ZNF385B: variants seen among roughly 807,000 people sequenced by gnomAD.
ZNF385B encodes zinc finger protein 533.
In ZNF385B, 23 loss-of-function variants were observed where a neutral mutation model predicts 39.2. The observed-to-expected ratio is 0.59, with a 90% CI of 0.42 to 0.83. ZNF385B has a LOEUF of 0.83. Among genes scored for constraint, ZNF385B ranks in the 40% least tolerant of loss-of-function variants. ZNF385B has a pLI of 0.00. For synonymous variants in ZNF385B, 205 were observed against 222.6 expected (o/e 0.92, Z 0.70); for missense variants, 552 against 598.9 (o/e 0.92, Z 0.82).
Position 179,698,309 on chromosome 2 carries a change from C to T in ZNF385B, c.298+71194G>A, listed in dbSNP as rs115319356. 5.9e-5 allele frequency among the ~76,000 whole-genome samples: 9 copies of T among 152,162 alleles called. No individual in the cohort carries two copies. In the East Asian group the frequency reaches 1.5e-3, roughly 26 times the overall value. On this transcript the variant is annotated intron_variant, in intron 3 of 9. Coordinates refer to ENST00000410066, the MANE Select transcript of ZNF385B (RefSeq NM_152520.6). ...CAGCTAGCTATCTTTCAGTAAAACACGGTTAAAGCAATAGGTATGGTAAAA... is the reference window on the plus strand; with the variant it reads ...CAGCTAGCTATCTTTCAGTAAAACATGGTTAAAGCAATAGGTATGGTAAAA...
At chr2:179,446,430 A>G (rs2049480819) in intron 7 of ZNF385B, 95 bp downstream of exon 7, 4 of 1,487,156 alleles carry the variant, frequency 2.7e-6, no homozygotes, top group South Asian at 2.9e-5. Context: ...GCATGGAACA[A>G]ACCTAAGGTC....
chr2:179,726,459 G>A (rs1368408034), intron 3 of ZNF385B, among the ~76,000 whole-genome samples: 2 of 152,006 alleles, frequency 1.3e-5, no homozygotes, highest in Non-Finnish European at 2.9e-5. Context: ...TATTTTCTGG[G>A]CCTCTGTTGC....
intron 3 of ZNF385B, among the ~76,000 whole-genome samples, chr2:179,583,285 A>G (rs1273887732): frequency 6.6e-6 from 1 of 152,166 alleles, no homozygotes; most frequent in East Asian, 1.9e-4. Context: ...CCTGTATTTC[A>G]GACCTCCAGA....
At chr2:179,725,433 G>GTA (rs888802324) in intron 3 of ZNF385B, among the ~76,000 whole-genome samples, 1 of 151,516 alleles carries the variant, frequency 6.6e-6, no homozygotes, top group Non-Finnish European at 1.5e-5. Flanking sequence ...ATACGTGCAT[G>GTA]TATATATATT....
At chr2:179,499,758 T>A (rs952570844) in intron 5 of ZNF385B, among the ~76,000 whole-genome samples, 4 of 152,002 alleles carry the variant, frequency 2.6e-5, no homozygotes, top group Non-Finnish European at 5.9e-5. Flanking sequence ...GTTACCACTG[T>A]TATTCAACAT....
intron 4 of ZNF385B, among the ~76,000 whole-genome samples, chr2:179,542,853 G>C (rs1018799781): frequency 6.6e-6 from 1 of 152,106 alleles, no homozygotes; most frequent in Admixed American, 6.6e-5. Flanking sequence ...ACCACCTTCC[G>C]CTAGTGAAGG....
chr2:179,509,045 C>T (rs963499458), intron 5 of ZNF385B, among the ~76,000 whole-genome samples: 9 of 151,506 alleles, frequency 5.9e-5, no homozygotes, highest in African/African-American at 1.2e-4. Flanking sequence ...CTCCCAGGCT[C>T]ATGCCATTCT....
intron 1 of ZNF385B, among the ~76,000 whole-genome samples, chr2:179,777,624 A>T (rs1374056199): frequency 6.6e-6 from 1 of 152,142 alleles, no homozygotes; most frequent in Non-Finnish European, 1.5e-5. Flanking sequence ...GAAAAAAGGA[A>T]TCTATTTGAG....
intron 3 of ZNF385B, among the ~76,000 whole-genome samples, chr2:179,651,491 A>G (rs1386275961): frequency 6.6e-6 from 1 of 152,264 alleles, no homozygotes; most frequent in Non-Finnish European, 1.5e-5. Context: ...GAGACAAAAG[A>G]AAACACACCA....
At chr2:179,712,905 T>C (rs975778104) in intron 3 of ZNF385B, among the ~76,000 whole-genome samples, 4 of 152,200 alleles carry the variant, frequency 2.6e-5, no homozygotes, top group Non-Finnish European at 5.9e-5. Flanking sequence ...ATAAAAGTCA[T>C]ACTTCAAATT....
chr2:179,581,354 T>C (rs1686494791), intron 3 of ZNF385B, among the ~76,000 whole-genome samples: 1 of 152,204 alleles, frequency 6.6e-6, no homozygotes. Flanking sequence ...TTAAAAAAAT[T>C]ACTTCTGCAG....
At chr2:179,759,184 T>C (rs1293422364) in intron 3 of ZNF385B, among the ~76,000 whole-genome samples, 1 of 152,198 alleles carries the variant, frequency 6.6e-6, no homozygotes, top group Non-Finnish European at 1.5e-5. Flanking sequence ...CTAGCTATAT[T>C]AGTTCTACAT....
At chr2:179,484,096 T>C (rs951892514) in intron 5 of ZNF385B, among the ~76,000 whole-genome samples, 1 of 152,118 alleles carries the variant, frequency 6.6e-6, no homozygotes, top group Non-Finnish European at 1.5e-5. Flanking sequence ...GTTAAATTCA[T>C]TTATACACAA....
At chr2:179,813,100 G>A (rs192574584) in intron 1 of ZNF385B, among the ~76,000 whole-genome samples, 36 of 152,104 alleles carry the variant, frequency 2.4e-4, no homozygotes, top group East Asian at 7.7e-4. Flanking sequence ...CTTTATTGAC[G>A]TACTGATAAA....
intron 6 of ZNF385B, among the ~76,000 whole-genome samples, chr2:179,452,076 C>A (rs2050205034): frequency 6.6e-6 from 1 of 152,094 alleles, no homozygotes; most frequent in Non-Finnish European, 1.5e-5. Flanking sequence ...CTTTATCCTA[C>A]AGGATTTTGA....
chr2:179,509,541 CA>C (rs1158006143), intron 5 of ZNF385B, among the ~76,000 whole-genome samples: 1 of 152,162 alleles, frequency 6.6e-6, no homozygotes, highest in Admixed American at 6.5e-5. Context: ...GTCTGCAAAG[CA>C]GAGAATTACC....
At chr2:179,462,886 C>A (rs528716693) in intron 6 of ZNF385B, among the ~76,000 whole-genome samples, 1 of 152,076 alleles carries the variant, frequency 6.6e-6, no homozygotes, top group Admixed American at 6.5e-5. Context: ...ATAATTTGAA[C>A]GCACTATTTA....
chr2:179,706,992 C>T (rs1699648988), intron 3 of ZNF385B, among the ~76,000 whole-genome samples: 1 of 152,118 alleles, frequency 6.6e-6, no homozygotes, highest in African/African-American at 2.4e-5. Context: ...CCCCAAGATA[C>T]CTGGGACCCC....
At chr2:179,753,284 T>C (rs356409) in intron 3 of ZNF385B, among the ~76,000 whole-genome samples, 3,279 of 152,250 alleles carry the variant, frequency 0.022, 122 homozygotes, top group African/African-American at 0.074. Context: ...TTCTGTTCCA[T>C]TGGTCTATAT....
Sources: allele counts gnomAD v4.1 joint callset (sites outside exome capture counted in the v4.1 genomes callset), GRCh38; gene constraint gnomAD v4.1.1; transcripts MANE v1.5; gene names NCBI Gene and HGNC (gene_info 2026-07-23, HGNC 2026-07-21).